The following NUDC variants were observed in gnomAD, a reference collection of about 807,000 sequenced individuals.
NUDC encodes nuclear migration protein nudC.
NUDC carries 14 observed loss-of-function variants against 45.0 expected under a neutral mutation model. The observed-to-expected ratio is 0.31, with a 90% CI of 0.21 to 0.49. NUDC has a LOEUF of 0.49. Among genes scored for constraint, NUDC ranks in the 20% least tolerant of loss-of-function variants. The pLI is 0.99. For synonymous variants in NUDC, 153 were observed against 156.7 expected, an observed-to-expected ratio of 0.98 and a Z score of 0.17; for missense variants, 323 against 426.2, an observed-to-expected ratio of 0.76 and a Z score of 2.13.
At chr1:26,915,054 C>CATATATATATATATATATATAT in intron 3 of NUDC, among the ~76,000 whole-genome samples, 3 of 132,744 alleles carry the variant, frequency 2.3e-5, no homozygotes, top group African/African-American at 8.4e-5. Flanking sequence ...CACATACATA[C>CATATATATATATATATATATAT]ATACATATAT....
intron 6 of NUDC, 141 bp from the exon 7 acceptor site, chr1:26,945,249 T>A: frequency 1.4e-6 from 1 of 719,910 alleles, no homozygotes; most frequent in Non-Finnish European, 2.5e-6. Flanking sequence ...CACAGTCTTG[T>A]ACCTCTGGAT....
rs553684515 is a variant in NUDC at position 26,923,946 on chromosome 1, G to C, written c.82-143G>C. 2.9e-5 allele frequency: 21 copies of C among 734,616 alleles called. No homozygotes were observed. The East Asian group carries it at 5.2e-4, about 18-fold the overall frequency. 45.5% of individuals were successfully genotyped at this position (734,616 alleles called of 1,614,324 possible). On this transcript the variant is annotated intron_variant, in intron 1 of 8. Transcript: ENST00000321265. ...GGAAGTGACTAAGAGAACCTGCTGG[G>C]GAGATAATCTCCTCAGTTGGGAAGC...
chr1:26,936,128 C>A (rs2082227822), intron 2 of NUDC, among the ~76,000 whole-genome samples: 1 of 73,834 alleles, frequency 1.4e-5, no homozygotes, highest in Non-Finnish European at 2.5e-5. Context: ...ACCACCACGC[C>A]CGGCTAATAT....
intron 2 of NUDC, among the ~76,000 whole-genome samples, chr1:26,902,672 C>T (rs1230958871): frequency 1.3e-5 from 2 of 151,810 alleles, no homozygotes; most frequent in Non-Finnish European, 2.9e-5. Flanking sequence ...ATCACTTGAG[C>T]CCAAGAGAGC....
intron 2 of NUDC, among the ~76,000 whole-genome samples, chr1:26,929,358 A>G (rs1000027339): frequency 1.3e-5 from 2 of 152,130 alleles, no homozygotes; most frequent in Admixed American, 1.3e-4. Context: ...GGATGGCTTG[A>G]GCCCAGGAAT....
rs145183788 is a variant in NUDC, at chr1:26,911,987, T to C, written c.93+752T>C. On this transcript the variant is annotated intron_variant, in intron 3 of 6. Transcript: ENST00000435827. Reference sequence around the variant, plus strand: ...GAGGAGGACACGGGTCAGGCGGCCTTGGGCTGCTGGGCACCAGGGTTCCAG... The same window carrying C: ...GAGGAGGACACGGGTCAGGCGGCCTCGGGCTGCTGGGCACCAGGGTTCCAG... The C allele has an allele frequency of 2.7e-5, 43 of 1,614,186 alleles. No homozygotes were observed. In the African/African-American group the frequency reaches 3.1e-4, roughly 12 times the overall value.
At chr1:26,918,297 T>TC (rs2082072167), upstream of NUDC, among the ~76,000 whole-genome samples, 1 of 150,280 alleles carries the variant, frequency 6.7e-6, no homozygotes, top group East Asian at 1.9e-4. Flanking sequence ...TTTTTTTTTT[T>TC]TTGAGACGGA....
At chr1:26,929,660 A>T (rs1432948083) in intron 2 of NUDC, 2 of 387,682 alleles carry the variant, frequency 5.2e-6, no homozygotes, top group South Asian at 3.9e-5. Flanking sequence ...CCACTTACAT[A>T]TAATTGAAGG....
intron 2 of NUDC, among the ~76,000 whole-genome samples, chr1:26,938,946 A>ATTTCATG (rs2082256482): frequency 2.6e-5 from 4 of 152,188 alleles, no homozygotes; most frequent in Non-Finnish European, 5.9e-5. Flanking sequence ...TTGGTTTGCC[A>ATTTCATG]GGTGACCTGA....
chr1:26,932,058 A>G (rs938433866), intron 2 of NUDC, among the ~76,000 whole-genome samples: 7 of 149,910 alleles, frequency 4.7e-5, no homozygotes, highest in African/African-American at 1.5e-4. Context: ...TCTGTCACCC[A>G]CTGGAGTGCA....
chr1:26,945,334 T>C (rs1156512510), intron 6 of NUDC, 56 bp from the exon 7 acceptor site: 16 of 1,433,850 alleles, frequency 1.1e-5, no homozygotes, highest in Non-Finnish European at 1.5e-5. Context: ...GGTTAAGGGG[T>C]GATTCCTGGT....
At chr1:26,925,815 G>A (rs927983998) in intron 2 of NUDC, among the ~76,000 whole-genome samples, 1 of 149,516 alleles carries the variant, frequency 6.7e-6, no homozygotes, top group Non-Finnish European at 1.5e-5. Flanking sequence ...TCCGCCTTGC[G>A]AGTTCAAGCA....
In NUDC at chr1:26,946,659, T is replaced by C; in HGVS notation, c.*478T>C. ...CTGATGTCAGGAGTTTGAGACCAGCTTGGCCAACATGGAGAAACCCAGTCT... is the reference window on the plus strand; with the variant it reads ...CTGATGTCAGGAGTTTGAGACCAGCCTGGCCAACATGGAGAAACCCAGTCT... On this transcript the variant is annotated 3_prime_UTR_variant, in exon 9 of 9. Coordinates refer to ENST00000321265, the MANE Select transcript of NUDC (RefSeq NM_006600.4). 1 of 203,650 alleles carries C rather than the reference T, an allele frequency of 4.9e-6. No homozygotes were observed. The highest frequency in any genetic ancestry group is 1.0e-5 in the Non-Finnish European group (1 of 98,640). The allele number at this position is 203,650 out of a possible 1,614,324, so 12.6% of individuals were successfully genotyped here.
At chr1:26,917,738 T>C (rs549809314), upstream of NUDC, among the ~76,000 whole-genome samples, 28 of 150,884 alleles carry the variant, frequency 1.9e-4, no homozygotes, top group Non-Finnish European at 5.9e-5. Context: ...ATACAAAAAT[T>C]AGCCAGACAT....
intron 2 of NUDC, among the ~76,000 whole-genome samples, chr1:26,925,650 G>C (rs1474187492): frequency 6.6e-6 from 1 of 151,080 alleles, no homozygotes; most frequent in Non-Finnish European, 1.5e-5. Flanking sequence ...TTGATTCTGA[G>C]ACCTTGAACT....
chr1:26,912,195 G>A, intron 3 of NUDC: 1 of 1,406,522 alleles, frequency 7.1e-7, no homozygotes, highest in South Asian at 1.3e-5. Context: ...TGCCTCCTTT[G>A]CTCGGCCTTT....
At chr1:26,929,797 G>A (rs2082165804) in intron 2 of NUDC, 2 of 243,616 alleles carry the variant, frequency 8.2e-6, no homozygotes, top group Non-Finnish European at 1.8e-5. Context: ...GCTGAGGTGG[G>A]TGGATCACCT....
intron 2 of NUDC, among the ~76,000 whole-genome samples, chr1:26,940,426 A>G (rs2124135007): frequency 6.6e-6 from 1 of 151,594 alleles, no homozygotes. Flanking sequence ...CAGTGAGCCA[A>G]GATCACGCCA....
At chr1:26,938,457 G>A (rs2082251402) in intron 2 of NUDC, among the ~76,000 whole-genome samples, 1 of 152,192 alleles carries the variant, frequency 6.6e-6, no homozygotes, top group Admixed American at 6.5e-5. Flanking sequence ...AAGGCCTTGT[G>A]GTGGAACAGC....
Sources: allele counts gnomAD v4.1 joint callset (sites outside exome capture counted in the v4.1 genomes callset), GRCh38; gene constraint gnomAD v4.1.1; transcripts MANE v1.5; gene names NCBI Gene and HGNC (gene_info 2026-07-23, HGNC 2026-07-21).